The following NPAS4 variants were observed in gnomAD, a reference collection of about 807,000 sequenced individuals.
The protein encoded by NPAS4 is neuronal PAS domain-containing protein 4.
Under a neutral mutation model 64.0 loss-of-function variants are expected in NPAS4, and 10 were observed. The observed-to-expected ratio is 0.16, with a 90% confidence interval of 0.10 to 0.26. The LOEUF is 0.26. NPAS4 is among the 10% of genes least tolerant of loss of function. The pLI is 1.00. For missense variants in NPAS4, 886 were observed against 992.6 expected (o/e 0.89, Z 1.44); for synonymous variants, 441 against 411.7 (o/e 1.07, Z -0.86).
At chr11:66,425,608 T>G (rs1239293257) in intron 7 of NPAS4, among the ~76,000 whole-genome samples, 1 of 152,128 alleles carries the variant, frequency 6.6e-6, no homozygotes, top group Non-Finnish European at 1.5e-5. Flanking sequence ...CAGACTTTCC[T>G]TAGGGTGCAC....
At chr11:66,416,149 C>T (rs1406268779), upstream of NPAS4, among the ~76,000 whole-genome samples, 2 of 152,146 alleles carry the variant, frequency 1.3e-5, no homozygotes, top group Non-Finnish European at 1.5e-5. Flanking sequence ...ATGTGTCTAA[C>T]AGGCCAGAGC....
chr11:66,424,269 C>T lies in NPAS4; in HGVS notation c.1379C>T (p.Thr460Ile), dbSNP rs1165080182. 2 of 1,614,160 alleles carry T rather than the reference C, an allele frequency of 1.2e-6. No homozygotes were observed. Among genetic ancestry groups the T allele is most frequent in the South Asian group, 2.2e-5 (2 of 91,088 alleles). Reference sequence around the variant, plus strand: ...TCCAGCACTCTTCAAGAACAGCTGACTCCAAGCACTGCGACCTTCTCTGAT... The same window carrying T: ...TCCAGCACTCTTCAAGAACAGCTGATTCCAAGCACTGCGACCTTCTCTGAT... ...TPSSTLQEQL[T>I]PSTATFSDQL... Residue 460 changes from threonine to isoleucine, a missense_variant, in exon 7 of 8, where the codon ACT (threonine) becomes ATT (isoleucine). Physicochemically the swap from Thr to Ile is moderately conservative, Grantham distance 89. Transcript: ENST00000311034.
chr11:66,420,190 C>A (rs1856719822), upstream of NPAS4, among the ~76,000 whole-genome samples: 1 of 152,254 alleles, frequency 6.6e-6, no homozygotes, highest in African/African-American at 2.4e-5. Context: ...TCGCCGTGCC[C>A]CCACGTCCCT....
chr11:66,425,520 C>A (rs910362195), intron 7 of NPAS4, among the ~76,000 whole-genome samples: 1 of 152,098 alleles, frequency 6.6e-6, no homozygotes, highest in Admixed American at 6.5e-5. Flanking sequence ...AGGGCTTGTG[C>A]TTAACTCCAT....
the NPAS4 span, chr11:66,409,452 G>A: frequency 7.2e-5 from 11 of 152,050 alleles, no homozygotes; most frequent in African/African-American, 2.7e-4. Context: ...GCCACAGGGT[G>A]AAAACACCAG....
upstream of NPAS4, among the ~76,000 whole-genome samples, chr11:66,419,939 A>C (rs1369318388): frequency 6.6e-6 from 1 of 152,132 alleles, no homozygotes; most frequent in Non-Finnish European, 1.5e-5. Context: ...CTGCTCCCCC[A>C]TCTTGCCCGC....
the NPAS4 span, among the ~76,000 whole-genome samples, chr11:66,413,186 C>A: frequency 6.6e-5 from 10 of 152,292 alleles, no homozygotes; most frequent in South Asian, 1.9e-3. Context: ...TTGGCCTCAG[C>A]GGTAATGTCA....
the NPAS4 span, among the ~76,000 whole-genome samples, chr11:66,413,048 C>T: frequency 6.6e-6 from 1 of 152,238 alleles, no homozygotes; most frequent in Non-Finnish European, 1.5e-5. Flanking sequence ...CAGTCACAGT[C>T]CCTGCCATGG....
rs771020229 is a variant in NPAS4, at chr11:66,422,120, G to C, written c.176G>C (p.Gly59Ala). Residue 59 changes from glycine to alanine, a missense_variant and splice_region_variant, in exon 2 of 8, where the codon GGC becomes GCC. Around this residue, in one of 3 missense-constraint regions of NPAS4, gnomAD observed 820 missense variants for 855.5 expected, o/e 0.96. Transcript: ENST00000311034. Reference protein sequence around the residue: ...YTRKGVFFAGGTPLAGPTGLL... With the variant: ...YTRKGVFFAGATPLAGPTGLL... The stretch of plus-strand genomic sequence containing the variant: ...CGCACTACGTCTTCTCGCCCTACAG[G>C]CACTCCTCTGGCGGGCCCCACGGGG... 1.6e-5 allele frequency: 26 copies of C among 1,613,492 alleles called. No individual in the cohort carries two copies. The highest frequency in any genetic ancestry group is 2.1e-5 in the Non-Finnish European group (25 of 1,179,916).
At chr11:66,422,386 C>A (rs1034278956) in intron 2 of NPAS4, 65 bp from the exon 3 acceptor site, 61 of 1,472,278 alleles carry the variant, frequency 4.1e-5, no homozygotes, top group Non-Finnish European at 5.3e-5. Context: ...CTACAAGATA[C>A]TGTAGATCAA....
chr11:66,422,323 G>A, intron 2 of NPAS4, 52 bp downstream of exon 2: 1 of 1,585,636 alleles, frequency 6.3e-7, no homozygotes, highest in South Asian at 1.1e-5. Context: ...TGGGTGCCGT[G>A]AGCCTTCCAC....
Position 66,424,115 on chromosome 11 carries a change from G to C in NPAS4, c.1225G>C (p.Glu409Gln), listed in dbSNP as rs768433842. The part of the protein sequence containing the change: ...FSYLTFPSGP[E>Q]PSLQAELSKD... ...TTACCTGACATTCCCTTCTGGGCCT[G>C]AGCCTTCTCTCCAAGCAGAACTAAG... Residue 409 changes from glutamate (E) to glutamine (Q), a missense_variant, in exon 7 of 8, where the codon GAG becomes CAG. Glu to Gln is a conservative substitution (Grantham distance 29). Around this residue, in one of 3 missense-constraint regions of NPAS4, gnomAD observed 820 missense variants for 855.5 expected, o/e 0.96. Transcript: ENST00000311034. 6.2e-7 allele frequency: 1 copy of C among 1,614,026 alleles called. No individual in the cohort carries two copies. Among genetic ancestry groups the C allele is most frequent in the South Asian group, 1.1e-5 (1 of 91,078 alleles).
the NPAS4 span, among the ~76,000 whole-genome samples, chr11:66,414,552 C>T: frequency 1.3e-5 from 2 of 152,130 alleles, no homozygotes; most frequent in African/African-American, 4.8e-5. Flanking sequence ...TGGGTGCCAG[C>T]CTGCACCCTC....
At position 66,424,642 on chromosome 11, in the gene NPAS4, G is replaced by A; in HGVS notation, c.1752G>A (p.Gly584=). The part of the protein sequence containing the change: ...LPPSPSSPGN[G]DCTLLALAQL... ...CAAGTCCTAGCAGCCCTGGTAATGG[G>A]GACTGCACGCTCTTGGCCCTAGCCC... is the stretch of plus-strand genomic sequence containing the variant. The change falls in exon 7 of 8, where the codon GGG becomes GGA. Residue 584 remains glycine, a synonymous_variant. Transcript: ENST00000311034. 6.2e-7 allele frequency: 1 copy of A among 1,614,164 alleles called. No homozygotes were observed. Among genetic ancestry groups the A allele is most frequent in the Non-Finnish European group, 8.5e-7 (1 of 1,180,026 alleles).
chr11:66,424,926 C>A lies in NPAS4; in HGVS notation c.2036C>A (p.Pro679His). The stretch of plus-strand genomic sequence containing the variant: ...AACCTGTCCCTGTCAGGGGCAGGCC[C>A]CCCTGTGCTCAGCCTGGACCTGAAA... Reference protein sequence around the residue: ...DSNLSLSGAGPPVLSLDLKPW... With the variant: ...DSNLSLSGAGHPVLSLDLKPW... The change falls in exon 7 of 8, where the codon CCC becomes CAC. Residue 679 changes from proline to histidine, a missense_variant. Physicochemically the swap from Pro to His is moderately conservative, Grantham distance 77. Coordinates refer to ENST00000311034, the MANE Select transcript of NPAS4 (RefSeq NM_178864.4). The A allele has an allele frequency of 6.2e-7, 1 of 1,614,062 alleles. No homozygotes were observed. The highest frequency in any genetic ancestry group is 8.5e-7 in the Non-Finnish European group (1 of 1,180,014).
At chr11:66,419,946 C>A (rs1296473954), upstream of NPAS4, among the ~76,000 whole-genome samples, 1 of 152,188 alleles carries the variant, frequency 6.6e-6, no homozygotes, top group Non-Finnish European at 1.5e-5. Flanking sequence ...CCCATCTTGC[C>A]CGCCTAGGCA....
Position 66,422,900 on chromosome 11 carries a change from C to T in NPAS4, c.657C>T (p.Ser219=). The T allele has an allele frequency of 6.2e-7, 1 of 1,609,036 alleles. No homozygotes were observed. The highest frequency in any genetic ancestry group is 8.5e-7 in the Non-Finnish European group (1 of 1,180,004). ...CGCTCTTCCTGGCCATGTTCCAGAGCCGCCATGCTAAAGACCTGGCTCTAC... is the reference window on the plus strand; with the variant it reads ...CGCTCTTCCTGGCCATGTTCCAGAGTCGCCATGCTAAAGACCTGGCTCTAC... The part of the protein sequence containing the change: ...PASLFLAMFQ[S]RHAKDLALLD... Residue 219 remains serine, a synonymous_variant, in exon 4 of 8, where the codon AGC becomes AGT. Coordinates refer to ENST00000311034, the MANE Select transcript of NPAS4 (RefSeq NM_178864.4).
In NPAS4 at chr11:66,424,319, T is replaced by C; in HGVS notation, c.1429T>C (p.Phe477Leu). ...SDQLTPSSAT[F>L]PDPLTSPLQG... is the part of the protein sequence containing the mutation. ...TCAGTTGACGCCCAGCAGTGCAACC[T>C]TCCCAGATCCACTAACTAGCCCACT... Residue 477 changes from phenylalanine to leucine, a missense_variant, in exon 7 of 8, where the codon TTC (phenylalanine) becomes CTC (leucine). By Grantham distance (22) the Phe-to-Leu change is conservative. This residue lies in a region of NPAS4 where 820 missense variants were observed against 855.5 expected (regional missense o/e 0.96). Coordinates refer to ENST00000311034, the MANE Select transcript of NPAS4 (RefSeq NM_178864.4). 6.2e-7 allele frequency: 1 copy of C among 1,614,164 alleles called. No homozygotes were observed. Among genetic ancestry groups the C allele is most frequent in the Non-Finnish European group, 8.5e-7 (1 of 1,180,036 alleles).
intron 7 of NPAS4, 43 bp downstream of exon 7, chr11:66,425,313 C>T: frequency 8.5e-7 from 1 of 1,180,582 alleles, no homozygotes. Flanking sequence ...CCCTGTCCTG[C>T]CAATGAAATG....
Sources: gnomAD v4.1 joint callset for allele counts (sites outside exome capture counted in the v4.1 genomes callset) on GRCh38, gnomAD v4.1.1 for gene constraint, gnomAD v4.1.1 regional missense constraint, MANE v1.5 for transcripts, NCBI Gene and HGNC (gene_info 2026-07-23, HGNC 2026-07-21) for gene names.